The following CPSF3 variants were observed in gnomAD, a reference collection of about 807,000 sequenced individuals.
The protein encoded by CPSF3 is cleavage and polyadenylation specificity factor subunit 3.
In CPSF3, 57 loss-of-function variants were observed where a neutral mutation model predicts 84.1. The ratio of observed to expected loss-of-function variants is 0.68; its 90% confidence interval spans 0.55 to 0.85. CPSF3 has a LOEUF of 0.85. Ranked by LOEUF, CPSF3 falls within the 40% of genes least tolerant of loss-of-function variation. CPSF3 has a pLI of 0.00. For missense variants in CPSF3, 522 were observed against 838.8 expected (o/e 0.62, Z 4.66); for synonymous variants, 275 against 278.1 (o/e 0.99, Z 0.11).
intron 3 of CPSF3, among the ~76,000 whole-genome samples, 154 bp from the exon 4 acceptor site, chr2:9,430,598 C>T (rs1680551551): frequency 6.6e-6 from 1 of 152,210 alleles, no homozygotes; most frequent in African/African-American, 2.4e-5. Flanking sequence ...TGCATTACTT[C>T]TTCCTTCTAC....
chr2:9,434,453 T>C (rs1004882863), intron 6 of CPSF3, among the ~76,000 whole-genome samples: 5 of 152,196 alleles, frequency 3.3e-5, no homozygotes, highest in African/African-American at 1.2e-4. Context: ...TCTAGTCTAA[T>C]ATCAGAGATG....
intron 17 of CPSF3, 83 bp from the exon 18 acceptor site, chr2:9,472,833 G>GT (rs1251662355): frequency 2.8e-5 from 28 of 987,980 alleles, no homozygotes; most frequent in South Asian, 5.5e-5. Flanking sequence ...TGAGATGATG[G>GT]TTTTTTTAAA....
intron 15 of CPSF3, among the ~76,000 whole-genome samples, chr2:9,466,406 G>GCGCACACA (rs1222024478): frequency 1.4e-5 from 2 of 141,770 alleles, no homozygotes; most frequent in African/African-American, 5.5e-5. Flanking sequence ...ACACACGCAC[G>GCGCACACA]CGCACACACG....
At position 9,453,091 on chromosome 2, in the gene CPSF3, T is replaced by C. The variant is rs1681394831; in HGVS notation, c.1504+70T>C. On this transcript the variant is annotated intron_variant, in intron 12 of 17. Coordinates refer to ENST00000238112, the MANE Select transcript of CPSF3 (RefSeq NM_016207.4). ...GAAAGAAAATCTATGAAAACTTCTC[T>C]TCACCTTGTGGCCTAATGTTATGTA... The C allele has an allele frequency of 3.2e-6, 3 of 943,790 alleles. No homozygotes were observed. The South Asian group carries it at 5.0e-5, about 16-fold the overall frequency. The allele number at this position is 943,790 out of a possible 1,614,324, so 58.5% of individuals were successfully genotyped here.
chr2:9,442,059 G>A lies in CPSF3; in HGVS notation c.1095+83G>A, dbSNP rs1284983432. 26 of 1,385,482 alleles carry A rather than the reference G, an allele frequency of 1.9e-5. No individual in the cohort carries two copies. In the Admixed American group the frequency reaches 4.9e-4, roughly 26 times the overall value. The allele number at this position is 1,385,482 out of a possible 1,614,324, so 85.8% of individuals were successfully genotyped here. On this transcript the variant is annotated intron_variant, in intron 9 of 17. Coordinates refer to ENST00000238112, the MANE Select transcript of CPSF3 (RefSeq NM_016207.4). ...GGTCCTCACAGGTTTTTGCACTGAA[G>A]TAGTTCTTCAAATAATACAAGTTTT...
At chr2:9,469,942 G>A (rs980021680) in intron 16 of CPSF3, among the ~76,000 whole-genome samples, 2 of 152,172 alleles carry the variant, frequency 1.3e-5, no homozygotes, top group Non-Finnish European at 2.9e-5. Context: ...GGCTGGGTGT[G>A]GTGACCCACA....
At chr2:9,459,842 G>T (rs548320455) in intron 15 of CPSF3, among the ~76,000 whole-genome samples, 1 of 151,536 alleles carries the variant, frequency 6.6e-6, no homozygotes. Flanking sequence ...TAGAGGTGGG[G>T]TTTCACTGTG....
intron 16 of CPSF3, among the ~76,000 whole-genome samples, chr2:9,468,951 T>TA (rs959034736): frequency 1.3e-4 from 19 of 151,486 alleles, no homozygotes; most frequent in Admixed American, 2.6e-4. Context: ...TTAGTGGCTT[T>TA]AAAAAAAAAT....
At chr2:9,424,004 C>T in intron 1 of CPSF3, 181 bp downstream of exon 1, 2 of 1,415,540 alleles carry the variant, frequency 1.4e-6, no homozygotes, top group Non-Finnish European at 9.2e-7. Flanking sequence ...CGGAAGGGGC[C>T]TGCTATAGAG....
At chr2:9,430,304 C>T (rs76062425) in intron 3 of CPSF3, among the ~76,000 whole-genome samples, 1 of 152,292 alleles carries the variant, frequency 6.6e-6, no homozygotes, top group African/African-American at 2.4e-5. Flanking sequence ...AGCCCTTTTC[C>T]AGGATATCTC....
At chr2:9,437,260 C>T (rs961639423) in intron 7 of CPSF3, among the ~76,000 whole-genome samples, 1 of 152,040 alleles carries the variant, frequency 6.6e-6, no homozygotes, top group Non-Finnish European at 1.5e-5. Flanking sequence ...AAAAATGAGC[C>T]AGGTGTGGTG....
chr2:9,442,331 T>C (rs1375455227), intron 9 of CPSF3, among the ~76,000 whole-genome samples: 3 of 152,188 alleles, frequency 2.0e-5, no homozygotes, highest in Non-Finnish European at 4.4e-5. Context: ...AGCTGTAGAA[T>C]GTGTTTGGGT....
Position 9,438,596 on chromosome 2 carries a change from A to G in CPSF3, c.761-1895A>G, listed in dbSNP as rs144007391. 2.2e-3 allele frequency among the ~76,000 whole-genome samples: 336 copies of G among 151,144 alleles called. 1 individual carries two copies. Among genetic ancestry groups the G allele is most frequent in the African/African-American group, 7.6e-3 (314 of 41,128 alleles). On this transcript the variant is annotated intron_variant, in intron 7 of 17. Transcript: ENST00000238112. ...CTTGGCGCGATCTCGGCTCACCACA[A>G]CGTCTGCCTCCCGGGTTCAAGCTAT...
chr2:9,447,961 T>C (rs568547122), intron 10 of CPSF3, among the ~76,000 whole-genome samples: 1 of 152,146 alleles, frequency 6.6e-6, no homozygotes, highest in South Asian at 2.1e-4. Context: ...AAGACTGGAG[T>C]AGAAAAGAAG....
At chr2:9,472,602 G>A (rs375349277) in intron 17 of CPSF3, among the ~76,000 whole-genome samples, 9 of 152,248 alleles carry the variant, frequency 5.9e-5, no homozygotes, top group African/African-American at 1.7e-4. Context: ...TAGGGCGGCC[G>A]TTCTGTTTCA....
chr2:9,450,309 G>T (rs754413415), intron 11 of CPSF3, among the ~76,000 whole-genome samples: 14 of 151,660 alleles, frequency 9.2e-5, no homozygotes, highest in Non-Finnish European at 1.5e-4. Flanking sequence ...CCACCACCAC[G>T]CCCGGCTAAT....
chr2:9,450,147 A>ATTTTTTTTTTTTTTTT (rs750560891), intron 11 of CPSF3, among the ~76,000 whole-genome samples: 1 of 122,688 alleles, frequency 8.2e-6, no homozygotes, highest in Non-Finnish European at 1.8e-5. Context: ...ACAGGCACAA[A>ATTTTTTTTTTTTTTTT]TTTTTTTTTT....
intron 7 of CPSF3, 96 bp downstream of exon 7, chr2:9,436,457 A>C: frequency 1.5e-6 from 2 of 1,324,776 alleles, no homozygotes; most frequent in East Asian, 2.4e-5. Context: ...ACCGTTCTGG[A>C]CTTCAGTTTT....
At chr2:9,432,765 A>C in intron 5 of CPSF3, 77 bp downstream of exon 5, 1 of 1,170,350 alleles carries the variant, frequency 8.5e-7, no homozygotes, top group Non-Finnish European at 1.1e-6. Context: ...TATTAAAAAA[A>C]AAAATTCCCT....
Sources: allele counts gnomAD v4.1 joint callset (sites outside exome capture counted in the v4.1 genomes callset), GRCh38; gene constraint gnomAD v4.1.1; transcripts MANE v1.5; gene names NCBI Gene and HGNC (gene_info 2026-07-23, HGNC 2026-07-21).